The following TMEM192 variants were observed in gnomAD, a reference collection of about 807,000 sequenced individuals.
TMEM192 encodes transmembrane protein 192.
In TMEM192, 20 loss-of-function variants were observed where a neutral mutation model predicts 26.7. The ratio of observed to expected loss-of-function variants is 0.75; its 90% CI spans 0.53 to 1.09. The LOEUF (loss-of-function observed/expected upper bound fraction) is 1.09. Among genes scored for constraint, TMEM192 ranks in the 50% least tolerant of loss-of-function variants. The pLI, the probability that TMEM192 is intolerant of heterozygous loss-of-function variation, is 0.00. For missense variants in TMEM192, 304 were observed against 322.6 expected (o/e 0.94, Z 0.44); for synonymous variants, 124 against 121.0 (o/e 1.02, Z -0.16).
In TMEM192 at chr4:165,079,221, G is replaced by A. The variant is rs1734461540; in HGVS notation, c.*437C>T. 1 of 154,554 alleles carries A rather than the reference G, an allele frequency of 6.5e-6. No homozygotes were observed. The highest frequency in any genetic ancestry group is 6.5e-5 in the Admixed American group (1 of 15,404). The allele number at this position is 154,554 out of a possible 1,614,324, so 9.6% of individuals were successfully genotyped here. On this transcript the variant is annotated 3_prime_UTR_variant, in exon 6 of 6. Coordinates refer to ENST00000306480, the MANE Select transcript of TMEM192 (RefSeq NM_001100389.2). ...GCTCTCCAGGAAAAAATATTCACAA[G>A]AAATAATGACTTCTTTCATCAGCTT...
intron 2 of TMEM192, among the ~76,000 whole-genome samples, chr4:165,102,045 C>T (rs372287668): frequency 2.0e-5 from 3 of 152,188 alleles, no homozygotes; most frequent in African/African-American, 4.8e-5. Flanking sequence ...CAACTGCAAT[C>T]GTCGAAAGGG....
At chr4:165,097,168 G>T (rs574915317) in intron 3 of TMEM192, among the ~76,000 whole-genome samples, 8 of 152,202 alleles carry the variant, frequency 5.3e-5, no homozygotes, top group African/African-American at 1.4e-4. Context: ...GAATTTCACT[G>T]AGTAGATGAA....
At position 165,072,805 on chromosome 4, in the gene TMEM192, GT is replaced by G; in HGVS notation, c.*6852del. The G allele has an allele frequency of 6.6e-6, 1 of 152,260 alleles. No individual in the cohort carries two copies. Among genetic ancestry groups the G allele is most frequent in the Non-Finnish European group, 1.5e-5 (1 of 68,092 alleles). The allele number at this position is 152,260 out of a possible 1,614,324, so 9.4% of individuals were successfully genotyped here. A position where few individuals can be genotyped will look rare whatever the true frequency, so the allele number is the denominator to read the frequency against. On this transcript the variant is annotated 3_prime_UTR_variant, in exon 6 of 6. Coordinates refer to ENST00000306480, the MANE Select transcript of TMEM192 (RefSeq NM_001100389.2). Reference sequence around the variant, plus strand: ...GCTGGGGACATGTTCTGTTTGAGGTGTTTTTTTATATACCCAAGTAGTGATC... The same window carrying G: ...GCTGGGGACATGTTCTGTTTGAGGTGTTTTTTATATACCCAAGTAGTGATC...
At chr4:165,112,461 T>A (rs953326539) in intron 1 of TMEM192, among the ~76,000 whole-genome samples, 1 of 152,196 alleles carries the variant, frequency 6.6e-6, no homozygotes, top group South Asian at 2.1e-4. Context: ...GCACGTGGGC[T>A]GGGCGCCAGC....
intron 3 of TMEM192, among the ~76,000 whole-genome samples, chr4:165,090,141 G>A (rs1437987949): frequency 6.6e-6 from 1 of 150,776 alleles, no homozygotes; most frequent in Non-Finnish European, 1.5e-5. Context: ...AACCCGGGAG[G>A]TGGAGGTTGC....
chr4:165,087,665 TG>T (rs1359174723), intron 4 of TMEM192, among the ~76,000 whole-genome samples: 1 of 150,976 alleles, frequency 6.6e-6, no homozygotes, highest in East Asian at 1.9e-4. Context: ...TGGGGCTGGG[TG>T]CGGTGGGTCA....
intron 4 of TMEM192, 103 bp downstream of exon 4, chr4:165,088,365 G>T: frequency 8.4e-7 from 1 of 1,194,718 alleles, no homozygotes; most frequent in Non-Finnish European, 1.2e-6. Context: ...TCACCACTCA[G>T]ATACACAGAG....
intron 3 of TMEM192, among the ~76,000 whole-genome samples, chr4:165,097,637 G>T (rs1266735163): frequency 1.4e-5 from 2 of 146,808 alleles, no homozygotes; most frequent in Non-Finnish European, 3.0e-5. Context: ...TTTTATAGAG[G>T]GGGGTGTCAC....
chr4:165,101,562 C>G (rs1735039683), intron 2 of TMEM192, among the ~76,000 whole-genome samples: 1 of 152,006 alleles, frequency 6.6e-6, no homozygotes, highest in African/African-American at 2.4e-5. Flanking sequence ...GAGACAGGTT[C>G]TTGCTATGGC....
Position 165,071,908 on chromosome 4 carries a change from G to A in TMEM192, c.*7750C>T, listed in dbSNP as rs1208737382. 1 of 152,682 alleles carries A rather than the reference G, an allele frequency of 6.5e-6. No individual in the cohort carries two copies. The highest frequency in any genetic ancestry group is 2.4e-5 in the African/African-American group (1 of 41,434). The allele number at this position is 152,682 out of a possible 1,614,324, so 9.5% of individuals were successfully genotyped here. On this transcript the variant is annotated 3_prime_UTR_variant, in exon 6 of 6. Coordinates refer to ENST00000306480, the MANE Select transcript of TMEM192 (RefSeq NM_001100389.2). ...TTGTGTGTGTGCATGGGGCTGGGGG[G>A]TCAGGGTGGAGAGGTAGTGAGAAGC...
At chr4:165,089,297 A>G (rs1734698859) in intron 3 of TMEM192, among the ~76,000 whole-genome samples, 1 of 151,860 alleles carries the variant, frequency 6.6e-6, no homozygotes, top group Non-Finnish European at 1.5e-5. Flanking sequence ...AAGGGTCTTC[A>G]AGGGAAAAGG....
chr4:165,093,863 C>T (rs931577072), intron 3 of TMEM192, among the ~76,000 whole-genome samples: 8 of 151,918 alleles, frequency 5.3e-5, no homozygotes, highest in African/African-American at 1.9e-4. Context: ...TTACAGGCAC[C>T]CGCCACGCCA....
Position 165,112,742 on chromosome 4 carries a change from C to T in TMEM192, c.27+5G>A. On this transcript the variant is annotated splice_donor_5th_base_variant and intron_variant, in intron 1 of 5. Transcript: ENST00000306480. ...GCCAACCGCCCGCCGCCTCCGTGCA[C>T]TCACGTCCTCCATCCTGCCCCCCGC... 6.2e-7 allele frequency: 1 copy of T among 1,609,348 alleles called. No homozygotes were observed. Among genetic ancestry groups the T allele is most frequent in the East Asian group, 2.2e-5 (1 of 44,746 alleles).
At chr4:165,094,377 A>C (rs1024860966) in intron 3 of TMEM192, among the ~76,000 whole-genome samples, 1 of 152,200 alleles carries the variant, frequency 6.6e-6, no homozygotes, top group Non-Finnish European at 1.5e-5. Flanking sequence ...CCATAGACAT[A>C]GTCTAAGTGC....
chr4:165,097,780 AATTT>A (rs1419721310), intron 3 of TMEM192, among the ~76,000 whole-genome samples: 2 of 150,554 alleles, frequency 1.3e-5, no homozygotes, highest in Admixed American at 6.6e-5. Flanking sequence ...ACACATGACT[AATTT>A]ATTTATTTTA....
chr4:165,078,442 T>C lies in TMEM192; in HGVS notation c.*1216A>G, dbSNP rs1286216771. ...CTTCAGTTTTATCTTCAGAATCAGATATGTTTAATATCTGCATATAACTTA... is the reference window on the plus strand; with the variant it reads ...CTTCAGTTTTATCTTCAGAATCAGACATGTTTAATATCTGCATATAACTTA... On this transcript the variant is annotated 3_prime_UTR_variant, in exon 6 of 6. Coordinates refer to ENST00000306480, the MANE Select transcript of TMEM192 (RefSeq NM_001100389.2). The C allele has an allele frequency of 6.6e-6, 1 of 152,218 alleles. No homozygotes were observed. Among genetic ancestry groups the C allele is most frequent in the African/African-American group, 2.4e-5 (1 of 41,464 alleles). The allele number at this position is 152,218 out of a possible 1,614,324, so 9.4% of individuals were successfully genotyped here.
At chr4:165,091,072 T>C (rs1734751104) in intron 3 of TMEM192, among the ~76,000 whole-genome samples, 2 of 151,904 alleles carry the variant, frequency 1.3e-5, no homozygotes, top group South Asian at 4.2e-4. Flanking sequence ...GAGACCATCC[T>C]GGCTAACACA....
chr4:165,092,888 C>G (rs1271622692), intron 3 of TMEM192, among the ~76,000 whole-genome samples: 2 of 151,134 alleles, frequency 1.3e-5, no homozygotes, highest in Non-Finnish European at 2.9e-5. Context: ...CAGAGCGAGA[C>G]CTTGTCTCTT....
chr4:165,088,586 G>A lies in TMEM192; in HGVS notation c.456C>T (p.Leu152=), dbSNP rs747304443. 1.9e-6 allele frequency: 3 copies of A among 1,612,238 alleles called. No homozygotes were observed. The highest frequency in any genetic ancestry group is 1.1e-5 in the South Asian group (1 of 90,634). Residue 152 remains leucine, a synonymous_variant, in exon 4 of 6, where the codon CTC becomes CTT. Transcript: ENST00000306480. ...MIQSSGNTVL[L]LILCMQHSFP... ...AGGAGTGCTGCATGCACAGTATGAGGAGAAGCACTGTGTTGCCTGAGGAGG... is the reference window on the plus strand; with the variant it reads ...AGGAGTGCTGCATGCACAGTATGAGAAGAAGCACTGTGTTGCCTGAGGAGG...
Sources: gnomAD v4.1 joint callset for allele counts (sites outside exome capture counted in the v4.1 genomes callset) on GRCh38, gnomAD v4.1.1 for gene constraint, MANE v1.5 for transcripts, NCBI Gene and HGNC (gene_info 2026-07-23, HGNC 2026-07-21) for gene names.